The following PFKFB2 variants were observed in gnomAD, a reference collection of about 807,000 sequenced individuals.
PFKFB2 encodes 6-phosphofructo-2-kinase/fructose-2,6-biphosphatase 2.
In PFKFB2, 53 loss-of-function variants were observed where a neutral mutation model predicts 68.0. That is an observed-to-expected ratio of 0.78 (90% confidence interval 0.63 to 0.98). The LOEUF (loss-of-function observed/expected upper bound fraction) is 0.98. Ranked by LOEUF, PFKFB2 falls within the 50% of genes least tolerant of loss-of-function variation. The probability of loss-of-function intolerance (pLI) is 0.00; values close to 1 mark genes in which losing one functional copy is unlikely to be tolerated. For synonymous variants in PFKFB2, 222 were observed against 227.6 expected (o/e 0.98, Z 0.22); for missense variants, 451 against 642.0 (o/e 0.70, Z 3.22).
At chr1:207,065,922 G>A (rs867620880) in intron 8 of PFKFB2, among the ~76,000 whole-genome samples, 4 of 152,126 alleles carry the variant, frequency 2.6e-5, no homozygotes, top group Non-Finnish European at 5.9e-5. Flanking sequence ...TATCTGAATG[G>A]GGGTGTTGTA....
chr1:207,052,244 A>G (rs1175666656), upstream of PFKFB2: 2 of 1,611,402 alleles, frequency 1.2e-6, no homozygotes, highest in Admixed American at 1.7e-5. Flanking sequence ...ATCTTTTCAC[A>G]TCTTTCATGA....
upstream of PFKFB2, chr1:207,051,222 C>A: frequency 1.8e-6 from 2 of 1,124,142 alleles, no homozygotes; most frequent in Middle Eastern, 3.1e-4. Context: ...GTGCCCTCCG[C>A]GTGGGTAGCA....
At chr1:207,047,360 C>G (rs1245645919) in intron 2 of PFKFB2, 2 of 152,496 alleles carry the variant, frequency 1.3e-5, no homozygotes, top group African/African-American at 2.4e-5. Context: ...AAGTTCTTTT[C>G]TCTTATATTG....
At chr1:207,043,215 C>G (rs1420968178) in intron 2 of PFKFB2, among the ~76,000 whole-genome samples, 2 of 152,134 alleles carry the variant, frequency 1.3e-5, no homozygotes, top group Admixed American at 6.5e-5. Context: ...CATCACACAA[C>G]CCAACCGATT....
At chr1:207,038,219 A>G (rs192943338) in intron 1 of PFKFB2, among the ~76,000 whole-genome samples, 71 of 152,336 alleles carry the variant, frequency 4.7e-4, no homozygotes, top group Admixed American at 2.0e-3. Flanking sequence ...TCAACTATAT[A>G]TCGAATGTCT....
At chr1:207,051,743 G>A (rs1682757461), upstream of PFKFB2, among the ~76,000 whole-genome samples, 1 of 152,198 alleles carries the variant, frequency 6.6e-6, no homozygotes, top group African/African-American at 2.4e-5. Context: ...TGGGAGACAG[G>A]GTGGGGTGTG....
In PFKFB2 at chr1:207,063,355, T is replaced by C. The variant is rs1198571722; in HGVS notation, c.384T>C (p.Asp128=). 2 of 1,613,434 alleles carry C rather than the reference T, an allele frequency of 1.2e-6. No individual in the cohort carries two copies. The highest frequency in any genetic ancestry group is 2.2e-5 in the South Asian group (2 of 91,064). ...TEENGQIAVF[D]ATNTTRERRD... is the part of the protein sequence containing the mutation. Reference sequence around the variant, plus strand: ...GTGTACTTTCTTCACAGGTGTTTGATGCCACCAATACAACCCGGGAGAGGA... The same window carrying C: ...GTGTACTTTCTTCACAGGTGTTTGACGCCACCAATACAACCCGGGAGAGGA... Residue 128 remains aspartate (D), a synonymous_variant, in exon 6 of 15, where the codon GAT becomes GAC. Transcript: ENST00000367080. The surrounding 1 kb of genome is among the most constrained non-coding windows in gnomAD (Gnocchi z 4.1).
At chr1:207,052,246 C>T (rs773361035), upstream of PFKFB2, 25 of 1,611,054 alleles carry the variant, frequency 1.6e-5, no homozygotes, top group Non-Finnish European at 2.0e-5. Context: ...CTTTTCACAT[C>T]TTTCATGACT....
intron 2 of PFKFB2, chr1:207,047,604 A>C (rs1318017773): frequency 1.3e-5 from 2 of 152,640 alleles, no homozygotes; most frequent in Non-Finnish European, 2.9e-5. Flanking sequence ...ATAATTTAGC[A>C]TCCCTGATCA....
upstream of PFKFB2, chr1:207,050,607 G>C: frequency 1.3e-6 from 2 of 1,581,476 alleles, no homozygotes; most frequent in Non-Finnish European, 1.7e-6. Context: ...CAGCCACCTT[G>C]CCTTGACTGG....
chr1:207,056,606 G>A (rs1346292670), intron 2 of PFKFB2, among the ~76,000 whole-genome samples: 1 of 151,910 alleles, frequency 6.6e-6, no homozygotes, highest in Non-Finnish European at 1.5e-5. Flanking sequence ...CAGGGAAGCA[G>A]TAATCCCTGG....
chr1:207,072,152 T>C lies in PFKFB2; in HGVS notation c.1351-52T>C, dbSNP rs1572736401. 10 of 1,597,704 alleles carry C rather than the reference T, an allele frequency of 6.3e-6. No individual in the cohort carries two copies. In the East Asian group the frequency reaches 2.2e-4, roughly 36 times the overall value. ...CAAGCGCATTATTAACCTGTATGAG[T>C]GAGCTTTTGGCTTGGCTTTCATTTG... On this transcript the variant is annotated intron_variant, in intron 14 of 14. Coordinates refer to ENST00000367080, the MANE Select transcript of PFKFB2 (RefSeq NM_006212.2).
intron 2 of PFKFB2, among the ~76,000 whole-genome samples, chr1:207,061,610 T>G (rs1261084351): frequency 6.6e-6 from 1 of 152,126 alleles, no homozygotes; most frequent in African/African-American, 2.4e-5. Flanking sequence ...CCAGCGGGGC[T>G]GGGCGCCTCA....
intron 12 of PFKFB2, 21 bp from the exon 13 acceptor site, chr1:207,071,167 G>T (rs371738308): frequency 6.2e-7 from 1 of 1,604,544 alleles, no homozygotes; most frequent in East Asian, 2.2e-5. Context: ...GACTTCCCTC[G>T]CCTGGTCTTT....
chr1:207,045,130 C>T (rs1183968685), intron 2 of PFKFB2: 1 of 152,392 alleles, frequency 6.6e-6, no homozygotes, highest in Non-Finnish European at 1.5e-5. Context: ...TTGTATATGA[C>T]ACGTTTAAGG....
intron 7 of PFKFB2, 70 bp from the exon 8 acceptor site, chr1:207,064,960 TTAGCAG>T: frequency 1.3e-6 from 2 of 1,511,750 alleles, no homozygotes; most frequent in Non-Finnish European, 1.8e-6. Context: ...TTTCTTTTTT[TTAGCAG>T]TGGCTATTTG....
At chr1:207,042,539 C>T (rs1682498562) in intron 2 of PFKFB2, among the ~76,000 whole-genome samples, 1 of 83,630 alleles carries the variant, frequency 1.2e-5, no homozygotes, top group Non-Finnish European at 2.3e-5. Context: ...CACAGCAACA[C>T]TCTGTCTCAC....
chr1:207,068,196 C>A lies in PFKFB2; in HGVS notation c.874C>A (p.Gln292Lys), dbSNP rs761058940. The A allele has an allele frequency of 6.2e-7, 1 of 1,610,338 alleles. No homozygotes were observed. The highest frequency in any genetic ancestry group is 8.5e-7 in the Non-Finnish European group (1 of 1,178,848). ...AGCTCTAAGGAAATTTCTGGAGGAA[C>A]AGGAAATAACAGACCTCAAAGTGTG... is the stretch of plus-strand genomic sequence containing the variant. The part of the protein sequence containing the change: ...AQALRKFLEE[Q>K]EITDLKVWTS... The change falls in exon 10 of 15, where the codon CAG becomes AAG. Residue 292 changes from glutamine to lysine, a missense_variant. Coordinates refer to ENST00000367080, the MANE Select transcript of PFKFB2 (RefSeq NM_006212.2).
chr1:207,039,883 C>T (rs1682445320), intron 1 of PFKFB2, among the ~76,000 whole-genome samples: 1 of 152,208 alleles, frequency 6.6e-6, no homozygotes, highest in East Asian at 1.9e-4. Flanking sequence ...CACTTTTCCT[C>T]TGGAGACATT....
Sources: gnomAD v4.1 joint callset for allele counts (sites outside exome capture counted in the v4.1 genomes callset) on GRCh38, gnomAD v4.1.1 for gene constraint, Gnocchi (gnomAD v3.1) non-coding constraint, MANE v1.5 for transcripts, NCBI Gene and HGNC (gene_info 2026-07-23, HGNC 2026-07-21) for gene names.